LHX5: variants seen among roughly 807,000 people sequenced by gnomAD.
LHX5 encodes the protein LIM/homeobox protein Lhx5.
Under a neutral mutation model 30.6 loss-of-function variants are expected in LHX5, and 5 were observed. That is an observed-to-expected ratio of 0.16 (90% CI 0.09 to 0.34). The LOEUF is 0.34. Ranked by LOEUF, LHX5 falls within the 10% of genes least tolerant of loss-of-function variation. LHX5 has a pLI of 1.00. For synonymous variants in LHX5, 266 were observed against 252.6 expected (o/e 1.05, Z -0.50); for missense variants, 458 against 570.6 (o/e 0.80, Z 2.01).
chr12:113,462,962 G>A lies in LHX5; in HGVS notation c.*228C>T. 4.1e-6 allele frequency: 2 copies of A among 484,170 alleles called. No homozygotes were observed. Among genetic ancestry groups the A allele is most frequent in the Non-Finnish European group, 7.3e-6 (2 of 274,818 alleles). 30.0% of individuals were successfully genotyped at this position (484,170 alleles called of 1,614,324 possible). ...GAAATTGCTCGCGGTTGCTGGGAGA[G>A]TACTGGCGGTGGGCTGAGGCTCCTG... is the stretch of plus-strand genomic sequence containing the variant. On this transcript the variant is annotated 3_prime_UTR_variant, in exon 5 of 5. Coordinates refer to ENST00000261731, the MANE Select transcript of LHX5 (RefSeq NM_022363.3).
Position 113,468,136 on chromosome 12 carries a change from G to T in LHX5, c.666C>A (p.Arg222=). 6.3e-7 allele frequency: 1 copy of T among 1,587,794 alleles called. No homozygotes were observed. Among genetic ancestry groups the T allele is most frequent in the Non-Finnish European group, 8.6e-7 (1 of 1,168,816 alleles). The change falls in exon 3 of 5, where the codon CGC becomes CGA. Residue 222 remains arginine, a synonymous_variant. Transcript: ENST00000261731. ...CCGCCCCGGGCCGCACCTGGATGACGCGCATGTTGAGGCCGGTCTCCTGCG... is the reference window on the plus strand; with the variant it reads ...CCGCCCCGGGCCGCACCTGGATGACTCGCATGTTGAGGCCGGTCTCCTGCG... ...QLAQETGLNM[R]VIQVWFQNRR...
At chr12:113,471,249 G>A (rs1428799020) in intron 1 of LHX5, 77 bp downstream of exon 1, 2 of 1,466,936 alleles carry the variant, frequency 1.4e-6, no homozygotes, top group Non-Finnish European at 1.9e-6. Flanking sequence ...TGGGGATGGG[G>A]GTATCCCCTT....
chr12:113,471,263 C>A, intron 1 of LHX5, 63 bp downstream of exon 1: 1 of 1,561,140 alleles, frequency 6.4e-7, no homozygotes, highest in Non-Finnish European at 8.8e-7. Context: ...TCCCCTTCCC[C>A]AGCGCCCCAG....
At chr12:113,468,849 C>A (rs1236872681) in intron 2 of LHX5, among the ~76,000 whole-genome samples, 1 of 152,216 alleles carries the variant, frequency 6.6e-6, no homozygotes, top group Non-Finnish European at 1.5e-5. Context: ...TTGTGCGCTT[C>A]CAAATTAGGG....
At position 113,466,375 on chromosome 12, in the gene LHX5, C is replaced by G. The variant is rs545079510; in HGVS notation, c.841+881G>C. ...GATAGGGGGAGTTGGGATGGCTCAC[C>G]AATCCAGTGTGAGGGAAGTGAGAGG... is the stretch of plus-strand genomic sequence containing the variant. On this transcript the variant is annotated intron_variant, in intron 4 of 4. Coordinates refer to ENST00000261731, the MANE Select transcript of LHX5 (RefSeq NM_022363.3). The surrounding 1 kb of genome is among the most constrained non-coding windows in gnomAD (Gnocchi z 6.5). Among the ~76,000 whole-genome samples, 1 of 152,148 alleles carries G rather than the reference C, an allele frequency of 6.6e-6. No homozygotes were observed. The highest frequency in any genetic ancestry group is 2.4e-5 in the African/African-American group (1 of 41,438).
chr12:113,471,284 G>T (rs2136980547), intron 1 of LHX5, 42 bp downstream of exon 1: 1 of 1,603,070 alleles, frequency 6.2e-7, no homozygotes, highest in Non-Finnish European at 8.5e-7. Flanking sequence ...TGGAGCGCGC[G>T]CAGGGTGGGC....
intron 1 of LHX5, 141 bp from the exon 2 acceptor site, chr12:113,469,486 T>C (rs543092599): frequency 1.5e-5 from 9 of 616,640 alleles, no homozygotes; most frequent in Admixed American, 8.8e-5. Context: ...CTGAGCGCTC[T>C]GGCCAGAGTG....
Position 113,467,110 on chromosome 12 carries a change from TG to T in LHX5, c.841+145del. ...TATCTGATTTTGTGTCCAGGACATG[TG>T]GGTGAGTGTACATGTGTCTGTGATC... On this transcript the variant is annotated intron_variant, in intron 4 of 4. Transcript: ENST00000261731. This position sits in a 1 kb window ranked among gnomAD's most constrained non-coding sequence, Gnocchi z 6.3. 1 of 688,176 alleles carries T rather than the reference TG, an allele frequency of 1.5e-6. No individual in the cohort carries two copies. Among genetic ancestry groups the T allele is most frequent in the Non-Finnish European group, 2.1e-6 (1 of 469,304 alleles). The allele number at this position is 688,176 out of a possible 1,614,324, so 42.6% of individuals were successfully genotyped here. A position where few individuals can be genotyped will look rare whatever the true frequency, so the allele number is the denominator to read the frequency against.
rs1343064971 is a variant in LHX5 at position 113,471,415 on chromosome 12, T to C, written c.84A>G (p.Lys28=). Residue 28 remains lysine (K), a synonymous_variant, in exon 1 of 5, where the codon AAA becomes AAG. Transcript: ENST00000261731. ...LNVLDRAWHI[K]CVQCCECKTN... ...TTTTGCACTCGCAGCACTGAACACATTTGATGTGCCACGCGCGGTCCAGCA... is the reference window on the plus strand; with the variant it reads ...TTTTGCACTCGCAGCACTGAACACACTTGATGTGCCACGCGCGGTCCAGCA... 1 of 1,613,594 alleles carries C rather than the reference T, an allele frequency of 6.2e-7. No homozygotes were observed. The highest frequency in any genetic ancestry group is 1.3e-5 in the African/African-American group (1 of 74,942).
rs568378695 is a variant in LHX5 at position 113,465,895 on chromosome 12, G to C, written c.841+1361C>G. 7.9e-5 allele frequency among the ~76,000 whole-genome samples: 12 copies of C among 152,246 alleles called. No homozygotes were observed. The highest frequency in any genetic ancestry group is 1.8e-4 in the Non-Finnish European group (12 of 68,004). ...GGGGTCTGTCCAGGGTTGGGGGGCT[G>C]TCCAGGGTTGGGCGGCTGGGGCGCT... On this transcript the variant is annotated intron_variant, in intron 4 of 4. Coordinates refer to ENST00000261731, the MANE Select transcript of LHX5 (RefSeq NM_022363.3). The surrounding 1 kb of genome is among the most constrained non-coding windows in gnomAD (Gnocchi z 6.7).
rs1958196100 is a variant in LHX5, at chr12:113,464,028, A to G, written c.842-471T>C. On this transcript the variant is annotated intron_variant, in intron 4 of 4. Transcript: ENST00000261731. The surrounding 1 kb of genome is among the most constrained non-coding windows in gnomAD (Gnocchi z 6.2). ...GAGATCGGCAGAGGGGCAGAGAGAA[A>G]GGCGGAAAAGAGACCCAGAGACGCG... Among the ~76,000 whole-genome samples the G allele has an allele frequency of 6.6e-6, 1 of 152,178 alleles. No individual in the cohort carries two copies. Among genetic ancestry groups the G allele is most frequent in the South Asian group, 2.1e-4 (1 of 4,824 alleles).
rs1024878091 is a variant in LHX5 at position 113,464,370 on chromosome 12, C to A, written c.842-813G>T. ...GGTTGAGACCGGGAAGCGACCTGGCCGGGGGAAACTGGATCCGGGCCGCGG... is the reference window on the plus strand; with the variant it reads ...GGTTGAGACCGGGAAGCGACCTGGCAGGGGGAAACTGGATCCGGGCCGCGG... On this transcript the variant is annotated intron_variant, in intron 4 of 4. Coordinates refer to ENST00000261731, the MANE Select transcript of LHX5 (RefSeq NM_022363.3). The surrounding 1 kb of genome is among the most constrained non-coding windows in gnomAD (Gnocchi z 6.2). Among the ~76,000 whole-genome samples, 3 of 143,218 alleles carry A rather than the reference C, an allele frequency of 2.1e-5. No individual in the cohort carries two copies. The highest frequency in any genetic ancestry group is 7.5e-5 in the African/African-American group (3 of 39,990). The allele number at this position is 143,218 out of a possible 152,430, so 94.0% of individuals were successfully genotyped here.
Position 113,468,119 on chromosome 12 carries a change from G to C in LHX5, c.675+8C>G. On this transcript the variant is annotated splice_region_variant and intron_variant, in intron 3 of 4. Transcript: ENST00000261731. The stretch of plus-strand genomic sequence containing the variant: ...GGGCTAAGGAGCTGTGCCCGCCCCG[G>C]GCCGCACCTGGATGACGCGCATGTT... 1.9e-6 allele frequency: 3 copies of C among 1,547,348 alleles called. No homozygotes were observed. Among genetic ancestry groups the C allele is most frequent in the Non-Finnish European group, 2.6e-6 (3 of 1,149,164 alleles).
chr12:113,470,979 C>T (rs1425580381), intron 1 of LHX5, among the ~76,000 whole-genome samples: 3 of 152,190 alleles, frequency 2.0e-5, no homozygotes, highest in African/African-American at 7.2e-5. Flanking sequence ...AATCCTTCCT[C>T]TCTCTCGGGA....
Position 113,462,920 on chromosome 12 carries a change from A to C in LHX5, c.*270T>G. 4 of 356,750 alleles carry C rather than the reference A, an allele frequency of 1.1e-5. No individual in the cohort carries two copies. The highest frequency in any genetic ancestry group is 2.2e-5 in the African/African-American group (1 of 45,310). 22.1% of individuals were successfully genotyped at this position (356,750 alleles called of 1,614,324 possible). On this transcript the variant is annotated 3_prime_UTR_variant, in exon 5 of 5. Transcript: ENST00000261731. ...TCGAAATCTCTTGACCCTCCGGAGTATTGACTTTGGTCCCAAGAAATTGCT... is the reference window on the plus strand; with the variant it reads ...TCGAAATCTCTTGACCCTCCGGAGTCTTGACTTTGGTCCCAAGAAATTGCT...
rs1439372932 is a variant in LHX5 at position 113,468,201 on chromosome 12, C to T, written c.601G>A (p.Ala201Thr). The T allele has an allele frequency of 1.2e-6, 2 of 1,613,068 alleles. No homozygotes were observed. The highest frequency in any genetic ancestry group is 1.7e-6 in the Non-Finnish European group (2 of 1,179,670). The change falls in exon 3 of 5, where the codon GCC (alanine) becomes ACC (threonine). Residue 201 changes from alanine (A) to threonine (T), a missense_variant. Physicochemically the swap from Ala to Thr is moderately conservative, Grantham distance 58. Around this residue, in one of 3 missense-constraint regions of LHX5, gnomAD observed 25 missense variants for 85.4 expected, o/e 0.29. Transcript: ENST00000261731. ...ATGTGGCGCGTGGGCTTGGGCGTGG[C>T]GGCGAAGGCAGCCTTGAGCGTCTCC... ...QLETLKAAFA[A>T]TPKPTRHIRE...
rs1288043898 is a variant in LHX5 at position 113,467,543 on chromosome 12, C to A, written c.676-122G>T. ...CGCCTCTTCCGCACCAGGACTCCCC[C>A]GAGGCGGGGCCGGGCCGGATTAGGC... On this transcript the variant is annotated intron_variant, in intron 3 of 4. Transcript: ENST00000261731. This position sits in a 1 kb window ranked among gnomAD's most constrained non-coding sequence, Gnocchi z 6.3. The A allele has an allele frequency of 2.1e-6, 2 of 955,534 alleles. No individual in the cohort carries two copies. The allele number at this position is 955,534 out of a possible 1,614,324, so 59.2% of individuals were successfully genotyped here. A position where few individuals can be genotyped will look rare whatever the true frequency, so the allele number is the denominator to read the frequency against.
At chr12:113,471,114 G>T (rs985276099) in intron 1 of LHX5, among the ~76,000 whole-genome samples, 1 of 152,238 alleles carries the variant, frequency 6.6e-6, no homozygotes, top group Non-Finnish European at 1.5e-5. Flanking sequence ...TCGAGCCAAC[G>T]TGAGGCAGCG....
intron 1 of LHX5, among the ~76,000 whole-genome samples, chr12:113,470,345 A>G (rs1340188262): frequency 6.6e-6 from 1 of 152,254 alleles, no homozygotes; most frequent in Non-Finnish European, 1.5e-5. Flanking sequence ...CTTATCCGGC[A>G]GCGTAATTGG....
Sources: allele counts gnomAD v4.1 joint callset (sites outside exome capture counted in the v4.1 genomes callset), GRCh38; gene constraint gnomAD v4.1.1; regional missense constraint gnomAD v4.1.1; non-coding constraint Gnocchi (gnomAD v3.1); transcripts MANE v1.5; gene names NCBI Gene and HGNC (gene_info 2026-07-23, HGNC 2026-07-21).